Variants in SPATA22 observed in about 807,000 individuals in gnomAD.
SPATA22 encodes the protein spermatogenesis associated 22.
A neutral mutation model predicts 47.8 loss-of-function variants in SPATA22; 29 were observed. That is an observed-to-expected ratio of 0.61 (90% CI 0.45 to 0.83). The LOEUF is 0.83. Ranked by LOEUF, SPATA22 falls within the 40% of genes least tolerant of loss-of-function variation. The pLI, the probability that SPATA22 is intolerant of heterozygous loss-of-function variation, is 0.00. For missense variants in SPATA22, 410 were observed against 421.7 expected (o/e 0.97, Z 0.24); for synonymous variants, 133 against 140.9 (o/e 0.94, Z 0.40).
rs532806523 is a variant in SPATA22, at chr17:3,465,100, G to A, written c.172+2326C>T. Among the ~76,000 whole-genome samples the A allele has an allele frequency of 7.6e-5, 9 of 118,278 alleles. 1 individual carries two copies. The highest frequency in any genetic ancestry group is 2.5e-4 in the East Asian group (1 of 4,050). The allele number at this position is 118,278 out of a possible 152,430, so 77.6% of individuals were successfully genotyped here. ...AGCCCCTCCACCCGGCAGCCACCCC[G>A]TCTGGGAAGTGAGGAGCGTCTCCGC... On this transcript the variant is annotated intron_variant, in intron 3 of 8. Transcript: ENST00000572969.
chr17:3,487,902 T>A (rs1301788951), intron 1 of SPATA22, among the ~76,000 whole-genome samples: 1 of 152,200 alleles, frequency 6.6e-6, no homozygotes, highest in East Asian at 1.9e-4. Context: ...ACAAACACAC[T>A]TTTTCACATA....
chr17:3,489,700 A>T (rs1349002648), intron 1 of SPATA22, among the ~76,000 whole-genome samples: 3 of 152,236 alleles, frequency 2.0e-5, no homozygotes, highest in Non-Finnish European at 4.4e-5. Flanking sequence ...AAGTCTGCAA[A>T]TATCAAGCGT....
chr17:3,467,384 T>C (rs1304361451), intron 3 of SPATA22, 42 bp downstream of exon 3: 15 of 1,468,354 alleles, frequency 1.0e-5, no homozygotes, highest in African/African-American at 2.8e-5. Flanking sequence ...ATAATCCTAG[T>C]TTTGTATTTC....
At chr17:3,447,458 G>A (rs2072753973) in intron 6 of SPATA22, among the ~76,000 whole-genome samples, 3 of 140,314 alleles carry the variant, frequency 2.1e-5, no homozygotes, top group Non-Finnish European at 1.6e-5. Context: ...GTTGATGATG[G>A]CCACAGTAAA....
chr17:3,512,422 AGAAACTG>A (rs1349481271), intron 1 of SPATA22: 1 of 152,234 alleles, frequency 6.6e-6, no homozygotes, highest in Admixed American at 6.5e-5. Flanking sequence ...CCCAGGGCAG[AGAAACTG>A]GCCCAGAGTG....
At position 3,469,277 on chromosome 17, in the gene SPATA22, C is replaced by T; in HGVS notation, c.43+6G>A. ...GAAAATTTAAAAATAAAAAGTTGTT[C>T]AATACCTGCTGTACTTCGAGCTGAA... On this transcript the variant is annotated splice_donor_region_variant and intron_variant, in intron 2 of 8. Transcript: ENST00000572969. 1 of 1,415,984 alleles carries T rather than the reference C, an allele frequency of 7.1e-7. No individual in the cohort carries two copies. The highest frequency in any genetic ancestry group is 1.2e-5 in the South Asian group (1 of 81,854). 87.7% of individuals were successfully genotyped at this position (1,415,984 alleles called of 1,614,324 possible). A position where few individuals can be genotyped will look rare whatever the true frequency, so the allele number is the denominator to read the frequency against.
intron 3 of SPATA22, among the ~76,000 whole-genome samples, chr17:3,463,271 A>C (rs1313633684): frequency 1.0e-5 from 1 of 99,980 alleles, no homozygotes; most frequent in African/African-American, 3.7e-5. Context: ...ATGCATTGTT[A>C]GGTGAGTTTG....
At chr17:3,451,678 G>T (rs752064394) in intron 5 of SPATA22, among the ~76,000 whole-genome samples, 21 of 152,134 alleles carry the variant, frequency 1.4e-4, no homozygotes, top group Non-Finnish European at 2.5e-4. Flanking sequence ...GCCAGGCATG[G>T]TGGCTTACGT....
chr17:3,464,891 G>A (rs1281750073), intron 3 of SPATA22, among the ~76,000 whole-genome samples: 3 of 92,192 alleles, frequency 3.3e-5, no homozygotes, highest in Admixed American at 9.6e-5. Flanking sequence ...AGGGGGGTGG[G>A]GGGGGGTCAG....
chr17:3,453,317 C>T (rs2072906399), intron 5 of SPATA22, among the ~76,000 whole-genome samples: 1 of 152,150 alleles, frequency 6.6e-6, no homozygotes, highest in African/African-American at 2.4e-5. Context: ...CAAAATTATA[C>T]ACCATGATTA....
chr17:3,478,775 T>C (rs2073577233), intron 1 of SPATA22, among the ~76,000 whole-genome samples: 1 of 152,190 alleles, frequency 6.6e-6, no homozygotes, highest in Admixed American at 6.5e-5. Context: ...CTCTCCCAAA[T>C]TTATTCATTT....
intron 1 of SPATA22, chr17:3,483,692 T>A: frequency 6.0e-6 from 7 of 1,170,036 alleles, no homozygotes; most frequent in Non-Finnish European, 7.5e-6. Context: ...AGACAGAGTC[T>A]TGCTCTGTCA....
Position 3,490,201 on chromosome 17 carries a change from T to C in SPATA22, c.-73-20803A>G, listed in dbSNP as rs2073800580. ...GGAGGCAAAACCCAGGCTAATTTTG[T>C]CTTAATTATATTCAATAAGAATAAT... On this transcript the variant is annotated intron_variant, in intron 1 of 8. Coordinates refer to the SPATA22 transcript ENST00000541913. This position sits in a 1 kb window ranked among gnomAD's most constrained non-coding sequence, Gnocchi z 4.6. Among the ~76,000 whole-genome samples the C allele has an allele frequency of 6.6e-6, 1 of 152,154 alleles. No individual in the cohort carries two copies. Among genetic ancestry groups the C allele is most frequent in the South Asian group, 2.1e-4 (1 of 4,824 alleles).
intron 1 of SPATA22, chr17:3,502,785 G>A (rs979488829): frequency 6.6e-5 from 10 of 152,210 alleles, no homozygotes; most frequent in African/African-American, 2.4e-4. Flanking sequence ...ATTTGGAAGA[G>A]GCCTATTCTT....
At chr17:3,449,266 T>A in intron 5 of SPATA22, 117 bp from the exon 6 acceptor site, 1 of 712,854 alleles carries the variant, frequency 1.4e-6, no homozygotes, top group Non-Finnish European at 2.3e-6. Context: ...ACTTTATAAC[T>A]AACTACTGAG....
rs181894714 is a variant in SPATA22 at position 3,453,716 on chromosome 17, G to A, written c.330-4567C>T. Among the ~76,000 whole-genome samples, 283 of 152,196 alleles carry A rather than the reference G, an allele frequency of 1.9e-3. 6 individuals carry two copies. Among genetic ancestry groups the A allele is most frequent in the Admixed American group, 0.016 (248 of 15,276 alleles). ...TTGAGCAACAACATGATGCTCAATGGAAATGCTCACTGAAGCATTTCAGAT... is the reference window on the plus strand; with the variant it reads ...TTGAGCAACAACATGATGCTCAATGAAAATGCTCACTGAAGCATTTCAGAT... On this transcript the variant is annotated intron_variant, in intron 5 of 8. Transcript: ENST00000572969.
chr17:3,479,714 C>T (rs1260832274), intron 1 of SPATA22, among the ~76,000 whole-genome samples: 1 of 152,072 alleles, frequency 6.6e-6, no homozygotes, highest in Non-Finnish European at 1.5e-5. Flanking sequence ...ATGGTTTTTG[C>T]TTCAAAGTCA....
At chr17:3,462,924 C>G (rs2073162066) in intron 3 of SPATA22, among the ~76,000 whole-genome samples, 157 bp from the exon 4 acceptor site, 1 of 152,182 alleles carries the variant, frequency 6.6e-6, no homozygotes, top group Non-Finnish European at 1.5e-5. Flanking sequence ...AAACCTGTCA[C>G]AGCCTGCTTT....
chr17:3,469,441 A>G (rs2073380753), intron 1 of SPATA22, 43 bp from the exon 2 acceptor site: 2 of 760,962 alleles, frequency 2.6e-6, no homozygotes, highest in Admixed American at 5.7e-5. Flanking sequence ...CTCAACTATA[A>G]AACCCAATCC....
Sources: gnomAD v4.1 joint callset for allele counts (sites outside exome capture counted in the v4.1 genomes callset) on GRCh38, gnomAD v4.1.1 for gene constraint, Gnocchi (gnomAD v3.1) non-coding constraint, MANE v1.5 for transcripts, NCBI Gene and HGNC (gene_info 2026-07-23, HGNC 2026-07-21) for gene names.